RBM33: variants seen among roughly 807,000 people sequenced by gnomAD.
RBM33 encodes RNA-binding protein 33.
Under a neutral mutation model 132.6 loss-of-function variants are expected in RBM33, and 28 were observed. That is an observed-to-expected ratio of 0.21 (90% CI 0.16 to 0.29). The LOEUF is 0.29. Ranked by LOEUF, RBM33 falls within the 10% of genes least tolerant of loss-of-function variation. The probability of loss-of-function intolerance (pLI) is 1.00; values close to 1 mark genes in which losing one functional copy is unlikely to be tolerated. For synonymous variants in RBM33, 634 were observed against 593.0 expected, an observed-to-expected ratio of 1.07 and a Z score of -1.01; for missense variants, 1,291 against 1,518.5, an observed-to-expected ratio of 0.85 and a Z score of 2.49.
Position 155,745,358 on chromosome 7 carries a change from A to G in RBM33, c.2735A>G (p.His912Arg), listed in dbSNP as rs747732934. ...GGACAACAGATGAAAGCACTGAAAC[A>G]TTTGAGACAGACCAGAACAGTTCCT... is the stretch of plus-strand genomic sequence containing the variant. Reference protein sequence around the residue: ...YQGQQMKALKHLRQTRTVPQS... With the variant: ...YQGQQMKALKRLRQTRTVPQS... The change falls in exon 14 of 18, where the codon CAT becomes CGT. Residue 912 changes from histidine to arginine, a missense_variant. By Grantham distance (29) the His-to-Arg change is conservative. Around this residue, in one of 7 missense-constraint regions of RBM33, gnomAD observed 841 missense variants for 912.0 expected, o/e 0.92. Coordinates refer to ENST00000401878, the MANE Select transcript of RBM33 (RefSeq NM_053043.3). The surrounding 1 kb of genome is among the most constrained non-coding windows in gnomAD (Gnocchi z 4.1). The G allele has an allele frequency of 5.6e-6, 9 of 1,613,136 alleles. No homozygotes were observed. The African/African-American group carries it at 6.7e-5, about 12-fold the overall frequency.
intron 8 of RBM33, among the ~76,000 whole-genome samples, chr7:155,714,338 T>G (rs1220996379): frequency 6.6e-6 from 1 of 151,916 alleles, no homozygotes; most frequent in Non-Finnish European, 1.5e-5. Context: ...GCTGAGATGG[T>G]GAAAAGGAGA....
chr7:155,655,347 T>G (rs954122497), intron 1 of RBM33, among the ~76,000 whole-genome samples: 2 of 152,184 alleles, frequency 1.3e-5, no homozygotes, highest in Non-Finnish European at 2.9e-5. Context: ...GGCTTTTTTT[T>G]GTTGGGCATT....
intron 1 of RBM33, 74 bp downstream of exon 1, chr7:155,644,993 C>A: frequency 8.3e-7 from 1 of 1,209,464 alleles, no homozygotes; most frequent in Non-Finnish European, 1.1e-6. Flanking sequence ...GGGGGCCTCC[C>A]CGCTTAGGAG....
At chr7:155,671,306 A>G (rs563695055) in intron 2 of RBM33, among the ~76,000 whole-genome samples, 2 of 152,178 alleles carry the variant, frequency 1.3e-5, no homozygotes, top group South Asian at 4.1e-4. Flanking sequence ...GGAGTTTGTG[A>G]AAGATTGTTT....
At chr7:155,646,001 A>T (rs1297045480) in intron 1 of RBM33, among the ~76,000 whole-genome samples, 1 of 152,148 alleles carries the variant, frequency 6.6e-6, no homozygotes. Flanking sequence ...TAAATACATG[A>T]TGTTTGCGTG....
intron 14 of RBM33, among the ~76,000 whole-genome samples, chr7:155,759,593 G>T (rs1046742963): frequency 6.6e-6 from 1 of 151,594 alleles, no homozygotes; most frequent in Admixed American, 6.6e-5. Context: ...AATTTTTTTT[G>T]TATTTTTAGT....
chr7:155,693,874 A>T (rs1333044274), intron 5 of RBM33, among the ~76,000 whole-genome samples: 1 of 152,182 alleles, frequency 6.6e-6, no homozygotes, highest in Non-Finnish European at 1.5e-5. Flanking sequence ...AGGGCTTGTG[A>T]TCCATCTTTT....
intron 14 of RBM33, among the ~76,000 whole-genome samples, chr7:155,754,053 TTAAGCATTC>T (rs964023184): frequency 2.6e-5 from 4 of 152,368 alleles, no homozygotes; most frequent in Non-Finnish European, 5.9e-5. Context: ...AGACTACTTT[TTAAGCATTC>T]TTAATCATGT....
intron 16 of RBM33, among the ~76,000 whole-genome samples, chr7:155,767,593 T>C (rs1253237086): frequency 6.6e-6 from 1 of 152,242 alleles, no homozygotes; most frequent in African/African-American, 2.4e-5. Flanking sequence ...TAAAAATGAA[T>C]AGATGAAAAC....
chr7:155,661,128 G>GTATA (rs1241148227), intron 1 of RBM33, among the ~76,000 whole-genome samples: 2 of 82,150 alleles, frequency 2.4e-5, no homozygotes, highest in African/African-American at 1.0e-4. Flanking sequence ...GTGTGTGTGT[G>GTATA]TGTATATATA....
In RBM33 at chr7:155,705,514, G is replaced by C. The variant is rs544004644; in HGVS notation, c.740-1346G>C. 1.8e-4 allele frequency among the ~76,000 whole-genome samples: 27 copies of C among 152,298 alleles called. No homozygotes were observed. In the South Asian group the frequency reaches 5.2e-3, roughly 29 times the overall value. On this transcript the variant is annotated intron_variant, in intron 6 of 17. Coordinates refer to ENST00000401878, the MANE Select transcript of RBM33 (RefSeq NM_053043.3). Reference sequence around the variant, plus strand: ...CCATATAAACAATTTCAAGAAAAATGTGACTTAGAGATTTTGGAGGAGTTT... The same window carrying C: ...CCATATAAACAATTTCAAGAAAAATCTGACTTAGAGATTTTGGAGGAGTTT...
intron 1 of RBM33, among the ~76,000 whole-genome samples, chr7:155,654,042 T>TA (rs1325856007): frequency 4.6e-5 from 7 of 152,188 alleles, no homozygotes; most frequent in Non-Finnish European, 1.0e-4. Flanking sequence ...GTCAAACTTT[T>TA]AAAAAATATT....
chr7:155,770,762 A>T (rs1175844831), intron 16 of RBM33, among the ~76,000 whole-genome samples: 2 of 152,252 alleles, frequency 1.3e-5, no homozygotes, highest in South Asian at 2.1e-4. Context: ...CCATGCACAG[A>T]CATGTACACA....
intron 14 of RBM33, among the ~76,000 whole-genome samples, chr7:155,758,522 G>A (rs768944200): frequency 6.6e-6 from 1 of 152,160 alleles, no homozygotes; most frequent in Non-Finnish European, 1.5e-5. Context: ...GACAGGAGGC[G>A]GAGCTTAGGC....
At chr7:155,735,521 A>C (rs146114121) in intron 9 of RBM33, among the ~76,000 whole-genome samples, 6 of 151,778 alleles carry the variant, frequency 4.0e-5, no homozygotes. Context: ...CTTGGGCAAC[A>C]TAGCAAGACC....
chr7:155,704,648 A>G (rs1036661622), intron 6 of RBM33, among the ~76,000 whole-genome samples: 1 of 152,188 alleles, frequency 6.6e-6, no homozygotes, highest in African/African-American at 2.4e-5. Context: ...CATTTATTTT[A>G]GTTAGAAAGA....
At chr7:155,707,235 T>C (rs987353543) in intron 7 of RBM33, 167 bp downstream of exon 7, 2 of 725,910 alleles carry the variant, frequency 2.8e-6, no homozygotes, top group Non-Finnish European at 5.0e-6. Context: ...ATGTTGCATA[T>C]AGTCTTAGAA....
chr7:155,661,084 T>G (rs984883908), intron 1 of RBM33, among the ~76,000 whole-genome samples: 76 of 141,282 alleles, frequency 5.4e-4, no homozygotes, highest in African/African-American at 2.2e-3. Flanking sequence ...AAATAATTTC[T>G]GTGTGTGTGT....
intron 14 of RBM33, among the ~76,000 whole-genome samples, chr7:155,754,530 C>G (rs2117051750): frequency 6.6e-6 from 1 of 152,348 alleles, no homozygotes; most frequent in Middle Eastern, 3.4e-3. Context: ...AGGTGCCTGG[C>G]TTACTTTAGT....
Sources: allele counts gnomAD v4.1 joint callset (sites outside exome capture counted in the v4.1 genomes callset), GRCh38; gene constraint gnomAD v4.1.1; regional missense constraint gnomAD v4.1.1; non-coding constraint Gnocchi (gnomAD v3.1); transcripts MANE v1.5; gene names NCBI Gene and HGNC (gene_info 2026-07-23, HGNC 2026-07-21).